The following ARHGAP17 variants were observed in gnomAD, a reference collection of about 807,000 sequenced individuals.
ARHGAP17 encodes rho GTPase-activating protein 17.
Under a neutral mutation model 99.5 loss-of-function variants are expected in ARHGAP17, and 57 were observed. The ratio of observed to expected loss-of-function variants is 0.57; its 90% confidence interval spans 0.46 to 0.71. ARHGAP17 has a LOEUF of 0.71. Among genes scored for constraint, ARHGAP17 ranks in the 30% least tolerant of loss-of-function variants. The pLI is 0.00. For synonymous variants in ARHGAP17, 417 were observed against 429.6 expected (o/e 0.97, Z 0.36); for missense variants, 1,000 against 1,122.4 (o/e 0.89, Z 1.56).
At chr16:25,000,468 G>A (rs1480614096) in intron 1 of ARHGAP17, among the ~76,000 whole-genome samples, 4 of 152,142 alleles carry the variant, frequency 2.6e-5, no homozygotes, top group African/African-American at 4.8e-5. Flanking sequence ...CCATGTGGAC[G>A]GCTTTTCTTG....
intron 6 of ARHGAP17, among the ~76,000 whole-genome samples, chr16:24,966,435 C>T (rs1318839989): frequency 6.6e-6 from 1 of 152,088 alleles, no homozygotes. Flanking sequence ...GAGTTTGAGA[C>T]CAGCCTGGCC....
Position 24,920,223 on chromosome 16 carries a change from G to C in ARHGAP17, c.2553C>G (p.Ile851Met). Residue 851 changes from isoleucine to methionine, a missense_variant, in exon 20 of 20, where the codon ATC (isoleucine) becomes ATG (methionine). By Grantham distance (10) the Ile-to-Met change is conservative (BLOSUM62 1). Around this residue, in one of 2 missense-constraint regions of ARHGAP17, gnomAD observed 528 missense variants for 511.4 expected, o/e 1.03. Transcript: ENST00000289968. ...NSRVSEPHRS[I>M]FPEMHSDSAS... The stretch of plus-strand genomic sequence containing the variant: ...CTGAGTCTGAGTGCATTTCAGGAAA[G>C]ATGCTGCGATGCGGTTCTGAAACCC... The C allele has an allele frequency of 6.2e-7, 1 of 1,614,190 alleles. No homozygotes were observed.
intron 1 of ARHGAP17, among the ~76,000 whole-genome samples, chr16:24,986,417 C>G (rs750776335): frequency 3.9e-5 from 6 of 152,192 alleles, no homozygotes; most frequent in African/African-American, 7.2e-5. Flanking sequence ...CAGGCTCAAT[C>G]TAGCTCACCG....
At chr16:24,943,348 C>T (rs1463094325) in intron 15 of ARHGAP17, among the ~76,000 whole-genome samples, 1 of 152,206 alleles carries the variant, frequency 6.6e-6, no homozygotes, top group Non-Finnish European at 1.5e-5. Context: ...TTCAACATCG[C>T]CTCTTCTAAA....
chr16:24,992,305 C>G (rs1366707538), intron 1 of ARHGAP17, among the ~76,000 whole-genome samples: 3 of 152,098 alleles, frequency 2.0e-5, no homozygotes. Flanking sequence ...AAATAGTCAT[C>G]CTGGCCAATG....
At position 24,997,974 on chromosome 16, in the gene ARHGAP17, G is replaced by A. The variant is rs2053245985; in HGVS notation, c.53+17235C>T. 2.0e-5 allele frequency among the ~76,000 whole-genome samples: 3 copies of A among 152,096 alleles called. No homozygotes were observed. The South Asian group carries it at 6.2e-4, about 32-fold the overall frequency. ...GACCAGCAGCAAACACGGATCTGGG[G>A]GAGTTCATGCAGAAGCAGACCCTGC... On this transcript the variant is annotated intron_variant, in intron 1 of 19. Coordinates refer to ENST00000289968, the MANE Select transcript of ARHGAP17 (RefSeq NM_001006634.3).
chr16:24,924,862 CAAAAATAAAA>C (rs528950889), intron 19 of ARHGAP17, among the ~76,000 whole-genome samples: 209 of 147,014 alleles, frequency 1.4e-3, no homozygotes, highest in Non-Finnish European at 2.3e-3. Flanking sequence ...GACTCAGTCT[CAAAAATAAAA>C]AAAAATAAAA....
At chr16:24,920,580 A>C in intron 19 of ARHGAP17, 1 of 268,118 alleles carries the variant, frequency 3.7e-6, no homozygotes, top group South Asian at 4.3e-5. Flanking sequence ...AAGACCTCTA[A>C]TGCATGAGAT....
At chr16:24,933,548 G>C (rs2051052700) in intron 18 of ARHGAP17, among the ~76,000 whole-genome samples, 1 of 151,926 alleles carries the variant, frequency 6.6e-6, no homozygotes, top group South Asian at 2.1e-4. Context: ...CACTGGTCTG[G>C]AACTTTCAAC....
chr16:24,952,916 C>T lies in ARHGAP17; in HGVS notation c.964+15G>A, dbSNP rs914145008. The T allele has an allele frequency of 1.9e-6, 3 of 1,612,616 alleles. No individual in the cohort carries two copies. Among genetic ancestry groups the T allele is most frequent in the Non-Finnish European group, 2.5e-6 (3 of 1,178,670 alleles). On this transcript the variant is annotated intron_variant, in intron 11 of 19. Coordinates refer to ENST00000289968, the MANE Select transcript of ARHGAP17 (RefSeq NM_001006634.3). ...TTGAGGGTGACTTGATTTGCAGACA[C>T]TCTTTGGCGCTCACCTGCTACAGCA...
chr16:24,942,015 T>A lies in ARHGAP17; in HGVS notation c.1462A>T (p.Met488Leu). Residue 488 changes from methionine (M) to leucine (L), a missense_variant, in exon 16 of 20, where the codon ATG (methionine) becomes TTG (leucine). Met to Leu is a conservative substitution (Grantham distance 15). Coordinates refer to ENST00000289968, the MANE Select transcript of ARHGAP17 (RefSeq NM_001006634.3). ...ERKRPASMAV[M>L]EGDLVKKESF... The stretch of plus-strand genomic sequence containing the variant: ...TCCTTCTTCACCAAGTCTCCTTCCA[T>A]CACCGCCATGCTAGCAGGCCGCTTC... 6.2e-7 allele frequency: 1 copy of A among 1,614,058 alleles called. No individual in the cohort carries two copies. The highest frequency in any genetic ancestry group is 8.5e-7 in the Non-Finnish European group (1 of 1,179,958).
chr16:24,952,826 T>C, intron 11 of ARHGAP17, 105 bp downstream of exon 11: 1 of 1,084,332 alleles, frequency 9.2e-7, no homozygotes, highest in East Asian at 2.4e-5. Context: ...GTTTTGTCAC[T>C]TAAACCTGTA....
intron 7 of ARHGAP17, 96 bp downstream of exon 7, chr16:24,964,101 A>T: frequency 1.3e-6 from 1 of 781,110 alleles, no homozygotes; most frequent in Non-Finnish European, 2.0e-6. Context: ...AAATATTCTG[A>T]TAGAAATTAT....
At chr16:24,987,828 G>C (rs572229076) in intron 1 of ARHGAP17, among the ~76,000 whole-genome samples, 1 of 152,178 alleles carries the variant, frequency 6.6e-6, no homozygotes, top group African/African-American at 2.4e-5. Flanking sequence ...TTTTTAATGA[G>C]CTCATTTTCA....
chr16:24,943,684 A>G (rs2051380998), intron 15 of ARHGAP17, 87 bp downstream of exon 15: 1 of 1,138,440 alleles, frequency 8.8e-7, no homozygotes, highest in Non-Finnish European at 1.3e-6. Context: ...AATCATGAAG[A>G]AGGATTACAG....
intron 1 of ARHGAP17, among the ~76,000 whole-genome samples, chr16:24,986,274 G>C (rs547463714): frequency 2.0e-5 from 3 of 152,298 alleles, no homozygotes; most frequent in Non-Finnish European, 1.5e-5. Flanking sequence ...TATAAGGAAA[G>C]TGAGGTCTTG....
At chr16:24,952,603 C>T (rs927144074) in intron 11 of ARHGAP17, among the ~76,000 whole-genome samples, 7 of 152,022 alleles carry the variant, frequency 4.6e-5, no homozygotes, top group African/African-American at 1.7e-4. Flanking sequence ...TAAAGTCATC[C>T]CCTTAACAGA....
chr16:24,972,408 A>G (rs1384303572), intron 3 of ARHGAP17, among the ~76,000 whole-genome samples: 1 of 152,196 alleles, frequency 6.6e-6, no homozygotes, highest in Non-Finnish European at 1.5e-5. Flanking sequence ...TTGTAGAGAC[A>G]AGGTCTCACT....
chr16:24,938,235 G>A lies in ARHGAP17; in HGVS notation c.1724+1129C>T, dbSNP rs1042067050. On this transcript the variant is annotated intron_variant, in intron 17 of 19. Transcript: ENST00000289968. ...AAAAATTAGCCTGGCATGGTGGTGT[G>A]TGCCTGTAATCCCAGCTACTCCGGA... 5.9e-5 allele frequency among the ~76,000 whole-genome samples: 9 copies of A among 151,992 alleles called. No homozygotes were observed. The South Asian group carries it at 1.5e-3, about 25-fold the overall frequency.
Sources: gnomAD v4.1 joint callset for allele counts (sites outside exome capture counted in the v4.1 genomes callset) on GRCh38, gnomAD v4.1.1 for gene constraint, gnomAD v4.1.1 regional missense constraint, MANE v1.5 for transcripts, NCBI Gene and HGNC (gene_info 2026-07-23, HGNC 2026-07-21) for gene names.